Variants in MAP4 observed in about 807,000 individuals in gnomAD.
MAP4 encodes the protein microtubule-associated protein 4.
In MAP4, 76 loss-of-function variants were observed where a neutral mutation model predicts 170.2. The ratio of observed to expected loss-of-function variants is 0.45; its 90% confidence interval spans 0.37 to 0.54. MAP4 has a LOEUF of 0.54. Among genes scored for constraint, MAP4 ranks in the 20% least tolerant of loss-of-function variants. The pLI is 0.00. For synonymous variants in MAP4, 909 were observed against 994.5 expected, an observed-to-expected ratio of 0.91 and a Z score of 1.62; for missense variants, 2,506 against 2,748.0, an observed-to-expected ratio of 0.91 and a Z score of 1.97.
rs1474885230 is a variant in MAP4 at position 47,918,756 on chromosome 3, G to C, written c.615C>G (p.Ser205=). ...GAGGAGGTTCTGCAACAGCCTCTGG[G>C]GAAACAAAGGACTCTGAGTGTGGAG... is the stretch of plus-strand genomic sequence containing the variant. ...LNSPHSESFV[S]PEAVAEPPQP... The change falls in exon 6 of 21, where the codon TCC becomes TCG. Residue 205 remains serine, a synonymous_variant. Coordinates refer to ENST00000683076, the MANE Select transcript of MAP4 (RefSeq NM_001385682.1). The C allele has an allele frequency of 2.5e-6, 4 of 1,610,734 alleles. No individual in the cohort carries two copies.
At chr3:47,995,878 C>T (rs1579003572) in intron 2 of MAP4, among the ~76,000 whole-genome samples, 1 of 152,112 alleles carries the variant, frequency 6.6e-6, no homozygotes. Flanking sequence ...GGGTACCCTA[C>T]AAGCAGGTAA....
In MAP4 at chr3:48,048,506, CTTTTTT is replaced by C. The variant is rs67709674; in HGVS notation, c.-20+40261_-20+40266del. On this transcript the variant is annotated intron_variant, in intron 1 of 18. Coordinates refer to the MAP4 transcript ENST00000360240. Reference sequence around the variant, plus strand: ...TCAGGTAGATCCAGATCTCAATTATCTTTTTTTTTTTTTTTTTTTTTTTTTTTTGAG... The same window carrying C: ...TCAGGTAGATCCAGATCTCAATTATCTTTTTTTTTTTTTTTTTTTTTTGAG... 4.0e-3 allele frequency among the ~76,000 whole-genome samples: 270 copies of C among 66,990 alleles called. 1 individual carries two copies. Among genetic ancestry groups the C allele is most frequent in the African/African-American group, 0.017 (252 of 14,510 alleles). The allele number at this position is 66,990 out of a possible 152,430, so 43.9% of individuals were successfully genotyped here.
At chr3:48,033,242 G>A (rs2100117081) in intron 1 of MAP4, among the ~76,000 whole-genome samples, 2 of 152,160 alleles carry the variant, frequency 1.3e-5, no homozygotes, top group Non-Finnish European at 2.9e-5. Flanking sequence ...GAATGCTTTC[G>A]TTTCTCAGGG....
chr3:47,905,699 A>G (rs1430555467), intron 9 of MAP4, among the ~76,000 whole-genome samples: 1 of 152,128 alleles, frequency 6.6e-6, no homozygotes, highest in Non-Finnish European at 1.5e-5. Context: ...TCACTAAAAA[A>G]AAAATAAAAC....
chr3:48,063,399 T>TGTCTTAAAAAAAAAAAAAAAAAGTTATAC (rs2100136905), intron 1 of MAP4, among the ~76,000 whole-genome samples: 1 of 147,940 alleles, frequency 6.8e-6, no homozygotes, highest in Non-Finnish European at 1.5e-5. Context: ...GCGAGACCTG[T>TGTCTTAAAAAAAAAAAAAAAAAGTTATAC]GTCTTAAAAA....
In MAP4 at chr3:47,927,507, C is replaced by T. The variant is rs181932460; in HGVS notation, c.415+721G>A. 1.6e-4 allele frequency among the ~76,000 whole-genome samples: 25 copies of T among 152,152 alleles called. No homozygotes were observed. The East Asian group carries it at 4.6e-3, about 28-fold the overall frequency. ...TGTTTGTTTTTGAGATGGAGTTTCG[C>T]TCTTGTTGCCCAGGCTGGGGTGCAG... On this transcript the variant is annotated intron_variant, in intron 4 of 20. Transcript: ENST00000683076.
At chr3:47,952,509 A>G (rs2154114732) in intron 3 of MAP4, among the ~76,000 whole-genome samples, 1 of 152,242 alleles carries the variant, frequency 6.6e-6, no homozygotes, top group African/African-American at 2.4e-5. Flanking sequence ...AGAAAGAAGT[A>G]GACATGGGAG....
chr3:47,940,971 G>A (rs770604063), intron 3 of MAP4, among the ~76,000 whole-genome samples: 22 of 151,858 alleles, frequency 1.4e-4, no homozygotes, highest in Non-Finnish European at 2.6e-4. Context: ...TCTACCTCCC[G>A]GGTTCAAGCA....
At chr3:48,065,411 A>G (rs1300410458) in intron 1 of MAP4, among the ~76,000 whole-genome samples, 2 of 152,208 alleles carry the variant, frequency 1.3e-5, no homozygotes, top group Non-Finnish European at 2.9e-5. Flanking sequence ...ATTTGTATGC[A>G]CACTAAAATC....
upstream of MAP4, among the ~76,000 whole-genome samples, chr3:48,020,129 G>A (rs996162983): frequency 8.6e-5 from 13 of 152,008 alleles, no homozygotes; most frequent in Middle Eastern, 6.8e-3. Context: ...CAAGTGATTC[G>A]CCTGCCTCAG....
intron 8 of MAP4, among the ~76,000 whole-genome samples, chr3:47,914,290 G>A (rs1401531423): frequency 2.0e-5 from 3 of 152,092 alleles, no homozygotes; most frequent in African/African-American, 7.2e-5. Flanking sequence ...AGGCACGGTC[G>A]CTCACGCCTG....
At chr3:47,856,864 C>T (rs1035249760) in intron 18 of MAP4, among the ~76,000 whole-genome samples, 6 of 152,240 alleles carry the variant, frequency 3.9e-5, no homozygotes, top group Non-Finnish European at 8.8e-5. Context: ...AACTAGGACA[C>T]GAGGCTGCTA....
chr3:47,888,045 G>C (rs902829152), intron 10 of MAP4, among the ~76,000 whole-genome samples: 1 of 149,184 alleles, frequency 6.7e-6, no homozygotes, highest in African/African-American at 2.5e-5. Flanking sequence ...GTTTGTGAGT[G>C]CACCAATCGA....
chr3:47,906,378 T>C (rs1400603229), intron 9 of MAP4, among the ~76,000 whole-genome samples: 3 of 152,080 alleles, frequency 2.0e-5, no homozygotes, highest in African/African-American at 7.2e-5. Flanking sequence ...AACACCTAAA[T>C]GTGCATCAGT....
chr3:47,952,123 C>T (rs1338814740), intron 3 of MAP4, among the ~76,000 whole-genome samples: 2 of 150,682 alleles, frequency 1.3e-5, no homozygotes, highest in Non-Finnish European at 3.0e-5. Context: ...GCAGCTGCCC[C>T]GTCTGAGAAG....
chr3:47,998,034 A>G (rs926552250), intron 2 of MAP4, among the ~76,000 whole-genome samples: 10 of 152,226 alleles, frequency 6.6e-5, no homozygotes, highest in African/African-American at 9.6e-5. Context: ...ATTCTATGCA[A>G]ACTATTCTAG....
chr3:47,908,051 T>G (rs2100034066), intron 9 of MAP4, among the ~76,000 whole-genome samples: 1 of 152,008 alleles, frequency 6.6e-6, no homozygotes, highest in Non-Finnish European at 1.5e-5. Flanking sequence ...AATTGGTGTT[T>G]TTTTTAAATT....
rs755832079 is a variant in MAP4, at chr3:47,852,919, G to A, written c.*15C>T. 1.4e-5 allele frequency: 23 copies of A among 1,611,400 alleles called. No homozygotes were observed. Among genetic ancestry groups the A allele is most frequent in the Middle Eastern group, 1.7e-4 (1 of 6,048 alleles). On this transcript the variant is annotated 3_prime_UTR_variant, in exon 21 of 21. Transcript: ENST00000683076. ...GCGGGCCCTGGCATTTGCCCGGAAC[G>A]TCAGCCTGTAGGTCTCAATCTGCAG...
intron 1 of MAP4, among the ~76,000 whole-genome samples, chr3:48,077,639 G>A (rs763124046): frequency 1.3e-5 from 2 of 151,668 alleles, no homozygotes; most frequent in Admixed American, 6.6e-5. Flanking sequence ...CACGCCTGGC[G>A]ATAAATAATT....
Sources: allele counts gnomAD v4.1 joint callset (sites outside exome capture counted in the v4.1 genomes callset), GRCh38; gene constraint gnomAD v4.1.1; transcripts MANE v1.5; gene names NCBI Gene and HGNC (gene_info 2026-07-23, HGNC 2026-07-21).